RPS3: variants seen among roughly 807,000 people sequenced by gnomAD.
RPS3 encodes ribosomal protein S3.
In RPS3, 2 loss-of-function variants were observed where a neutral mutation model predicts 25.8. The observed-to-expected ratio is 0.08, with a 90% CI of 0.03 to 0.24. The LOEUF (loss-of-function observed/expected upper bound fraction) is 0.24, where lower values mean the gene tolerates loss of function less well. RPS3 is among the 10% of genes least tolerant of loss of function. The pLI is 1.00. For missense variants in RPS3, 107 were observed against 307.1 expected, an observed-to-expected ratio of 0.35 and a Z score of 4.87; for synonymous variants, 114 against 114.2, an observed-to-expected ratio of 1.00 and a Z score of 0.01.
At chr11:75,408,340 G>A (rs922831691), downstream of RPS3, among the ~76,000 whole-genome samples, 8 of 152,044 alleles carry the variant, frequency 5.3e-5, no homozygotes, top group South Asian at 6.2e-4. Context: ...CTGTCTCTAC[G>A]AAGAGATTTT....
intron 3 of RPS3, chr11:75,402,108 T>G (rs369268647): frequency 2.2e-4 from 124 of 575,190 alleles, no homozygotes; most frequent in African/African-American, 2.1e-3. Context: ...GTCCGATCTT[T>G]TGGCCTCCGT....
downstream of RPS3, among the ~76,000 whole-genome samples, chr11:75,408,717 T>C (rs1202450201): frequency 6.6e-6 from 1 of 152,196 alleles, no homozygotes; most frequent in Non-Finnish European, 1.5e-5. Flanking sequence ...GGCCAATTTT[T>C]GTATTTTTAG....
chr11:75,403,711 C>G, intron 4 of RPS3: 2 of 227,992 alleles, frequency 8.8e-6, no homozygotes, highest in Non-Finnish European at 8.6e-6. Context: ...CTGGACTTTG[C>G]ACATTTAATT....
In RPS3 at chr11:75,402,241, G is replaced by A. The variant is rs770438930; in HGVS notation, c.256-111G>A. 9 of 1,540,238 alleles carry A rather than the reference G, an allele frequency of 5.8e-6. No individual in the cohort carries two copies. The African/African-American group carries it at 6.8e-5, about 12-fold the overall frequency. ...CTCCTGGGCAGCATGCGGCCCGTGG[G>A]TTGGGCAAGCTTGGTGTAGAAAGTG... On this transcript the variant is annotated intron_variant, in intron 3 of 6. Transcript: ENST00000531188.
chr11:75,412,212 G>A (rs574345785), intron 6 of RPS3, among the ~76,000 whole-genome samples: 5 of 152,264 alleles, frequency 3.3e-5, no homozygotes, highest in African/African-American at 1.2e-4. Context: ...AGCCTTCCCT[G>A]ATCTGGCTCT....
chr11:75,401,762 A>G (rs774604392), intron 3 of RPS3, 29 bp downstream of exon 3: 2 of 1,241,170 alleles, frequency 1.6e-6, no homozygotes, highest in Non-Finnish European at 2.4e-6. Flanking sequence ...TGCCAGAGGT[A>G]ATGGCTCTTC....
At chr11:75,421,459 T>C (rs1343615186) in intron 6 of RPS3, among the ~76,000 whole-genome samples, 1 of 152,134 alleles carries the variant, frequency 6.6e-6, no homozygotes, top group Admixed American at 6.5e-5. Context: ...CTGTCTATGG[T>C]GTCTTTTGTT....
intron 6 of RPS3, among the ~76,000 whole-genome samples, chr11:75,412,432 A>G (rs542477987): frequency 6.6e-6 from 1 of 152,260 alleles, no homozygotes; most frequent in Non-Finnish European, 1.5e-5. Context: ...AGACTTGCTT[A>G]CTTGTAGCTC....
downstream of RPS3, among the ~76,000 whole-genome samples, chr11:75,410,387 G>A (rs1321526628): frequency 3.6e-4 from 54 of 151,554 alleles, no homozygotes; most frequent in African/African-American, 1.2e-3. Flanking sequence ...CATCTCAGAC[G>A]ATGGGCGGCC....
chr11:75,408,603 A>T (rs1344317983), downstream of RPS3, among the ~76,000 whole-genome samples: 1 of 152,130 alleles, frequency 6.6e-6, no homozygotes, highest in East Asian at 1.9e-4. Flanking sequence ...TTTTTGAGAC[A>T]GTCTTGCTCT....
chr11:75,399,582 G>T lies in RPS3; in HGVS notation c.30+5G>T, dbSNP rs1232548308. The T allele has an allele frequency of 1.2e-6, 2 of 1,612,966 alleles. No individual in the cohort carries two copies. Among genetic ancestry groups the T allele is most frequent in the Non-Finnish European group, 1.7e-6 (2 of 1,179,154 alleles). On this transcript the variant is annotated splice_donor_5th_base_variant and intron_variant, in intron 1 of 6. Coordinates refer to ENST00000531188, the MANE Select transcript of RPS3 (RefSeq NM_001005.5). ...CAAATATCCAAGAAGAGGAAGGTGA[G>T]CCTCTGGGGACTGGGTTCGGAGAAC...
At chr11:75,412,690 A>G (rs1343613135) in intron 6 of RPS3, among the ~76,000 whole-genome samples, 1 of 152,202 alleles carries the variant, frequency 6.6e-6, no homozygotes, top group East Asian at 1.9e-4. Flanking sequence ...AAAGTTCGAG[A>G]GTCATTTTCT....
downstream of RPS3, among the ~76,000 whole-genome samples, chr11:75,407,471 TTTA>T (rs1948300839): frequency 2.0e-5 from 3 of 150,942 alleles, no homozygotes; most frequent in South Asian, 4.2e-4. Context: ...CAAATTATTT[TTTA>T]TTATTTTTAT....
At position 75,404,727 on chromosome 11, in the gene RPS3, T is replaced by C. The variant is rs1359299982; in HGVS notation, c.594T>C (p.Ile198=). The C allele has an allele frequency of 2.5e-6, 4 of 1,613,302 alleles. No individual in the cohort carries two copies. The African/African-American group carries it at 5.3e-5, about 22-fold the overall frequency. ...IMLPWDPTGK[I]GPKKPLPDHV... ...TGCCCTGGGACCCAACTGGTAAGATTGGCCCTAAGAAGCCCCTGCCTGACC... is the reference window on the plus strand; with the variant it reads ...TGCCCTGGGACCCAACTGGTAAGATCGGCCCTAAGAAGCCCCTGCCTGACC... Residue 198 remains isoleucine, a synonymous_variant, in exon 6 of 7, where the codon ATT becomes ATC. Coordinates refer to ENST00000531188, the MANE Select transcript of RPS3 (RefSeq NM_001005.5). The surrounding 1 kb of genome is among the most constrained non-coding windows in gnomAD (Gnocchi z 4.6).
Position 75,401,720 on chromosome 11 carries a change from A to G in RPS3, c.242A>G (p.Glu81Gly). ...AVVQKRFGFP[E>G]GSVELYAEKV... Reference sequence around the variant, plus strand: ...GTTCAGAAGAGGTTTGGCTTTCCAGAGGGCAGTGTAGAGGTGAGTGATTCT... The same window carrying G: ...GTTCAGAAGAGGTTTGGCTTTCCAGGGGGCAGTGTAGAGGTGAGTGATTCT... Residue 81 changes from glutamate (E) to glycine (G), a missense_variant, in exon 3 of 7, where the codon GAG (glutamate) becomes GGG (glycine). This residue lies in a region of RPS3 where 81 missense variants were observed against 286.8 expected (regional missense o/e 0.28). Coordinates refer to ENST00000531188, the MANE Select transcript of RPS3 (RefSeq NM_001005.5). 2 of 1,603,056 alleles carry G rather than the reference A, an allele frequency of 1.2e-6. No homozygotes were observed. Among genetic ancestry groups the G allele is most frequent in the Non-Finnish European group, 1.7e-6 (2 of 1,169,746 alleles).
At position 75,406,646 on chromosome 11, in the gene RPS3, T is replaced by C. The variant is rs1391785051; in HGVS notation, c.*1036T>C. The C allele has an allele frequency of 6.6e-6, 1 of 152,334 alleles. No homozygotes were observed. The highest frequency in any genetic ancestry group is 2.4e-5 in the African/African-American group (1 of 41,566). The allele number at this position is 152,334 out of a possible 1,614,324, so 9.4% of individuals were successfully genotyped here. ...CCCCCTTCCTTTTTGACTCATAAAT[T>C]GGTCATCTTAACCATTTAAGTGTAC... On this transcript the variant is annotated 3_prime_UTR_variant, in exon 7 of 7. Coordinates refer to ENST00000531188, the MANE Select transcript of RPS3 (RefSeq NM_001005.5).
At chr11:75,409,808 C>G (rs1433923999), downstream of RPS3, among the ~76,000 whole-genome samples, 1 of 138,254 alleles carries the variant, frequency 7.2e-6, no homozygotes, top group South Asian at 2.2e-4. Context: ...GCTGGCTGGG[C>G]GGGGGGCTGA....
rs1948212886 is a variant in RPS3 at position 75,401,732 on chromosome 11, A to G, written c.254A>G (p.Glu85Gly). Reference protein sequence around the residue: ...KRFGFPEGSVELYAEKVATRG... With the variant: ...KRFGFPEGSVGLYAEKVATRG... ...TTTGGCTTTCCAGAGGGCAGTGTAG[A>G]GGTGAGTGATTCTGGCATATGCCAG... is the stretch of plus-strand genomic sequence containing the variant. The change falls in exon 3 of 7, where the codon GAG becomes GGG. Residue 85 changes from glutamate (E) to glycine (G), a missense_variant and splice_region_variant. Glu to Gly is a moderately conservative substitution (Grantham distance 98). Transcript: ENST00000531188. The G allele has an allele frequency of 1.9e-6, 3 of 1,580,436 alleles. No homozygotes were observed. The highest frequency in any genetic ancestry group is 1.7e-6 in the Non-Finnish European group (2 of 1,149,328).
rs1948436126 is a variant in RPS3 at position 75,420,765 on chromosome 11, TAAAAG to T, written c.*4-958_*4-954del. ...GTCAGGGGAGACTAGAGAAGTCACA[TAAAAG>T]AAAGACCTGGCCATGTGCCCGGTGA... On this transcript the variant is annotated intron_variant, in intron 6 of 6. Coordinates refer to the RPS3 transcript ENST00000527446. Among the ~76,000 whole-genome samples, 3 of 151,850 alleles carry T rather than the reference TAAAAG, an allele frequency of 2.0e-5. No homozygotes were observed. The South Asian group carries it at 6.2e-4, about 32-fold the overall frequency.
Sources: gnomAD v4.1 joint callset for allele counts (sites outside exome capture counted in the v4.1 genomes callset) on GRCh38, gnomAD v4.1.1 for gene constraint, gnomAD v4.1.1 regional missense constraint, Gnocchi (gnomAD v3.1) non-coding constraint, MANE v1.5 for transcripts, NCBI Gene and HGNC (gene_info 2026-07-23, HGNC 2026-07-21) for gene names.